The following MAP4 variants were observed in gnomAD, a reference collection of about 807,000 sequenced individuals.
The protein encoded by MAP4 is microtubule associated protein 4, also known as microtubule-associated protein 4.
A neutral mutation model predicts 170.2 loss-of-function variants in MAP4; 76 were observed. The ratio of observed to expected loss-of-function variants is 0.45; its 90% CI spans 0.37 to 0.54. The LOEUF (loss-of-function observed/expected upper bound fraction) is 0.54, where lower values mean the gene tolerates loss of function less well. Among genes scored for constraint, MAP4 ranks in the 20% least tolerant of loss-of-function variants. The probability of loss-of-function intolerance (pLI) is 0.00; values close to 1 mark genes in which losing one functional copy is unlikely to be tolerated. For missense variants in MAP4, 2,506 were observed against 2,748.0 expected, an observed-to-expected ratio of 0.91 and a Z score of 1.97; for synonymous variants, 909 against 994.5, an observed-to-expected ratio of 0.91 and a Z score of 1.62.
intron 3 of MAP4, among the ~76,000 whole-genome samples, chr3:47,952,523 T>C (rs1291225230): frequency 1.3e-5 from 2 of 152,028 alleles, no homozygotes; most frequent in Non-Finnish European, 2.9e-5. Flanking sequence ...ATGGGAGACT[T>C]CATTTTGTTC....
At chr3:48,056,935 G>T (rs1322330761) in intron 1 of MAP4, among the ~76,000 whole-genome samples, 19 of 127,500 alleles carry the variant, frequency 1.5e-4, no homozygotes, top group African/African-American at 4.8e-4. Context: ...GGAGGGAGGT[G>T]GGGGGTTCAG....
chr3:48,025,775 C>T (rs1246241936), intron 1 of MAP4, among the ~76,000 whole-genome samples: 1 of 151,604 alleles, frequency 6.6e-6, no homozygotes, highest in Non-Finnish European at 1.5e-5. Context: ...TGGTGCACAC[C>T]CATAATCCCA....
At chr3:47,867,539 G>A (rs1448755516) in intron 16 of MAP4, among the ~76,000 whole-genome samples, 5 of 152,238 alleles carry the variant, frequency 3.3e-5, no homozygotes, top group African/African-American at 1.2e-4. Context: ...TGAAAAACGT[G>A]AACAGACAAC....
At chr3:47,932,639 T>C (rs986577574) in intron 3 of MAP4, among the ~76,000 whole-genome samples, 3 of 152,188 alleles carry the variant, frequency 2.0e-5, no homozygotes, top group African/African-American at 7.2e-5. Flanking sequence ...TAGCATCTTA[T>C]TGTGGTTTTG....
At position 47,974,645 on chromosome 3, in the gene MAP4, T is replaced by C. The variant is rs1003399305; in HGVS notation, c.292+3220A>G. Reference sequence around the variant, plus strand: ...TATTTCTATAAATACAATCAAAGCATACCATTGTACAGTACTAATCTCAAC... The same window carrying C: ...TATTTCTATAAATACAATCAAAGCACACCATTGTACAGTACTAATCTCAAC... On this transcript the variant is annotated intron_variant, in intron 3 of 20. Coordinates refer to ENST00000683076, the MANE Select transcript of MAP4 (RefSeq NM_001385682.1). The C allele has an allele frequency of 4.2e-6, 4 of 944,988 alleles. No homozygotes were observed. The African/African-American group carries it at 5.3e-5, about 13-fold the overall frequency. The allele number at this position is 944,988 out of a possible 1,614,324, so 58.5% of individuals were successfully genotyped here. A position where few individuals can be genotyped will look rare whatever the true frequency, so the allele number is the denominator to read the frequency against.
chr3:48,057,020 G>A (rs1333094191), intron 1 of MAP4, among the ~76,000 whole-genome samples: 30 of 136,622 alleles, frequency 2.2e-4, no homozygotes, highest in Middle Eastern at 3.8e-3. Flanking sequence ...CAGCCGCCCC[G>A]TCCGGGAGGT....
chr3:48,052,064 G>A (rs1228711898), intron 1 of MAP4, among the ~76,000 whole-genome samples: 1 of 152,148 alleles, frequency 6.6e-6, no homozygotes, highest in Non-Finnish European at 1.5e-5. Context: ...TGACCCATGA[G>A]AATGTTTCCA....
At chr3:48,057,248 C>T (rs2100132633) in intron 1 of MAP4, among the ~76,000 whole-genome samples, 1 of 137,660 alleles carries the variant, frequency 7.3e-6, no homozygotes, top group South Asian at 2.4e-4. Flanking sequence ...GGAGACTTTT[C>T]ATTTTGTTCT....
chr3:47,880,335 C>G (rs1228911153), intron 10 of MAP4, among the ~76,000 whole-genome samples: 1 of 148,402 alleles, frequency 6.7e-6, no homozygotes, highest in Non-Finnish European at 1.5e-5. Context: ...GTCTCCATCT[C>G]CTGACCTCGT....
intron 2 of MAP4, among the ~76,000 whole-genome samples, chr3:47,986,547 G>A (rs989889885): frequency 1.3e-5 from 2 of 151,790 alleles, no homozygotes; most frequent in Admixed American, 1.3e-4. Flanking sequence ...TGCCATGTTG[G>A]CCAGGCTGGT....
At chr3:47,966,947 T>C (rs2100075474) in intron 3 of MAP4, among the ~76,000 whole-genome samples, 1 of 152,254 alleles carries the variant, frequency 6.6e-6, no homozygotes, top group South Asian at 2.1e-4. Context: ...AAGATTGTTT[T>C]GTCTATTCAG....
chr3:47,892,605 C>A (rs1207460800), intron 10 of MAP4: 1 of 1,424,784 alleles, frequency 7.0e-7, no homozygotes, highest in Non-Finnish European at 9.1e-7. Context: ...TGACAAAATT[C>A]ATCTCTCCCT....
chr3:47,856,916 T>C (rs2057534853), intron 18 of MAP4, among the ~76,000 whole-genome samples: 1 of 152,240 alleles, frequency 6.6e-6, no homozygotes, highest in Non-Finnish European at 1.5e-5. Flanking sequence ...GCACAGCGAC[T>C]TCCACAGGGG....
rs1553754610 is a variant in MAP4 at position 48,074,725 on chromosome 3, T to TGA, written c.-20+14046_-20+14047dup. ...GTGTGTGTGTGTGTGTGTGTGTGTG[T>TGA]GATATGTCGGCCAGACTGGTCTCGA... On this transcript the variant is annotated intron_variant, in intron 1 of 18. Transcript: ENST00000360240. Among the ~76,000 whole-genome samples, 40 of 147,422 alleles carry TGA rather than the reference T, an allele frequency of 2.7e-4. No homozygotes were observed. The South Asian group carries it at 4.5e-3, about 17-fold the overall frequency.
chr3:47,892,810 A>G (rs2100024729), intron 10 of MAP4: 2 of 1,137,748 alleles, frequency 1.8e-6, no homozygotes, highest in Non-Finnish European at 2.2e-6. Context: ...TTTAAAACAC[A>G]GTATGGTGCC....
intron 3 of MAP4, among the ~76,000 whole-genome samples, chr3:47,968,210 C>T (rs1347042623): frequency 6.6e-6 from 1 of 152,150 alleles, no homozygotes; most frequent in Non-Finnish European, 1.5e-5. Context: ...GATAGAACAA[C>T]AAGACAGAAT....
intron 1 of MAP4, among the ~76,000 whole-genome samples, chr3:48,022,095 G>A (rs553035050): frequency 7.9e-4 from 121 of 152,286 alleles, no homozygotes; most frequent in African/African-American, 2.8e-3. Context: ...AAAATAGTGG[G>A]GGAATTAACT....
chr3:47,934,713 T>C (rs58586542), intron 3 of MAP4, among the ~76,000 whole-genome samples: 1 of 152,234 alleles, frequency 6.6e-6, no homozygotes, highest in Admixed American at 6.5e-5. Flanking sequence ...TTTTGTTTTT[T>C]TCCCCCAGTG....
chr3:48,062,221 CAT>C (rs543289481), intron 1 of MAP4, among the ~76,000 whole-genome samples: 1,946 of 152,292 alleles, frequency 0.013, 22 homozygotes, highest in Middle Eastern at 0.044. Flanking sequence ...CTCTCTGAAA[CAT>C]GTGCTGTGTC....
Sources: allele counts gnomAD v4.1 joint callset (sites outside exome capture counted in the v4.1 genomes callset), GRCh38; gene constraint gnomAD v4.1.1; transcripts MANE v1.5; gene names NCBI Gene and HGNC (gene_info 2026-07-23, HGNC 2026-07-21).